The following CAPZB variants were observed in gnomAD, a reference collection of about 807,000 sequenced individuals.
The protein encoded by CAPZB is F-actin-capping protein subunit beta.
A neutral mutation model predicts 38.1 loss-of-function variants in CAPZB; 2 were observed. The ratio of observed to expected loss-of-function variants is 0.05; its 90% CI spans 0.02 to 0.17. The LOEUF is 0.17. Among genes scored for constraint, CAPZB ranks in the 10% least tolerant of loss-of-function variants. The pLI is 1.00. For synonymous variants in CAPZB, 107 were observed against 127.4 expected, an observed-to-expected ratio of 0.84 and a Z score of 1.08; for missense variants, 161 against 334.2, an observed-to-expected ratio of 0.48 and a Z score of 4.04.
At chr1:19,419,268 G>A (rs886540123) in intron 2 of CAPZB, among the ~76,000 whole-genome samples, 1 of 152,188 alleles carries the variant, frequency 6.6e-6, no homozygotes, top group Non-Finnish European at 1.5e-5. Flanking sequence ...CGCTTGTACT[G>A]TGTTGGCTGG....
At chr1:19,457,817 T>C (rs2094537646) in intron 1 of CAPZB, among the ~76,000 whole-genome samples, 1 of 151,730 alleles carries the variant, frequency 6.6e-6, no homozygotes, top group South Asian at 2.1e-4. Context: ...CAGAAACCAC[T>C]TCAGAAGGAC....
At chr1:19,350,611 A>ACAAGTT (rs111363572) in intron 6 of CAPZB, among the ~76,000 whole-genome samples, 1 of 151,516 alleles carries the variant, frequency 6.6e-6, no homozygotes, top group Non-Finnish European at 1.5e-5. Context: ...TAGTAGCAGT[A>ACAAGTT]ATTGTTTTTA....
At chr1:19,409,343 C>T (rs2094347326) in intron 2 of CAPZB, among the ~76,000 whole-genome samples, 1 of 151,916 alleles carries the variant, frequency 6.6e-6, no homozygotes. Context: ...GGTCACAGTC[C>T]AACAAGAAAC....
At chr1:19,436,900 G>C (rs955127700) in intron 1 of CAPZB, among the ~76,000 whole-genome samples, 3 of 152,218 alleles carry the variant, frequency 2.0e-5, no homozygotes, top group Non-Finnish European at 4.4e-5. Flanking sequence ...AACAGTGCTG[G>C]ACTCTGTGTA....
chr1:19,479,061 T>A (rs2094618017), intron 1 of CAPZB, among the ~76,000 whole-genome samples: 1 of 151,950 alleles, frequency 6.6e-6, no homozygotes, highest in Admixed American at 6.6e-5. Flanking sequence ...ATACAAAAAA[T>A]TAGCTAGGCA....
At chr1:19,366,307 T>TATATATATATATATATATATAA (rs1243032633) in intron 4 of CAPZB, among the ~76,000 whole-genome samples, 4 of 74,168 alleles carry the variant, frequency 5.4e-5, no homozygotes, top group East Asian at 3.8e-4. Context: ...TATATATATA[T>TATATATATATATATATATATAA]ATAAATAAAA....
At chr1:19,396,091 G>C (rs796890060) in intron 2 of CAPZB, among the ~76,000 whole-genome samples, 3 of 152,234 alleles carry the variant, frequency 2.0e-5, no homozygotes, top group African/African-American at 7.2e-5. Flanking sequence ...AAGCCGCGAC[G>C]GCAGAGGCCG....
chr1:19,485,426 C>G lies in CAPZB; in HGVS notation c.3+10G>C. On this transcript the variant is annotated intron_variant, in intron 1 of 8. Coordinates refer to ENST00000264202, the MANE Select transcript of CAPZB (RefSeq NM_004930.5). ...CCCCCGGGCCGGGGAGGGGGCCGTG[C>G]GGCCTTTACCATGGTGGCGGCGGCG... is the stretch of plus-strand genomic sequence containing the variant. 8.1e-7 allele frequency: 1 copy of G among 1,229,430 alleles called. No individual in the cohort carries two copies. 76.2% of individuals were successfully genotyped at this position (1,229,430 alleles called of 1,614,324 possible).
chr1:19,474,054 G>C (rs1002430266), intron 1 of CAPZB, among the ~76,000 whole-genome samples: 7 of 151,832 alleles, frequency 4.6e-5, no homozygotes, highest in African/African-American at 1.7e-4. Context: ...GGAAGGCAGT[G>C]ATGTGATCTC....
intron 1 of CAPZB, 58 bp downstream of exon 1, chr1:19,485,378 G>C: frequency 1.7e-6 from 2 of 1,150,868 alleles, no homozygotes; most frequent in Non-Finnish European, 2.2e-6. Context: ...GGCAGGGGGA[G>C]GGGGACGCGA....
chr1:19,366,416 C>T (rs1287677669), intron 4 of CAPZB, among the ~76,000 whole-genome samples: 2 of 150,968 alleles, frequency 1.3e-5, no homozygotes, highest in East Asian at 2.0e-4. Context: ...TGGCCGGGTG[C>T]GGTGGCTCAT....
intron 2 of CAPZB, among the ~76,000 whole-genome samples, chr1:19,389,094 G>A (rs180765643): frequency 3.9e-5 from 6 of 152,184 alleles, no homozygotes; most frequent in Non-Finnish European, 5.9e-5. Flanking sequence ...TAACATTTTC[G>A]TTGTCATGGG....
chr1:19,368,053 T>C (rs2094099735), intron 4 of CAPZB, among the ~76,000 whole-genome samples: 1 of 152,154 alleles, frequency 6.6e-6, no homozygotes, highest in African/African-American at 2.4e-5. Flanking sequence ...AAAGCTGCCA[T>C]TGTTGAGAAC....
chr1:19,426,591 G>A (rs929987746), intron 1 of CAPZB, among the ~76,000 whole-genome samples: 2 of 152,152 alleles, frequency 1.3e-5, no homozygotes, highest in African/African-American at 2.4e-5. Flanking sequence ...CACAGGCCTG[G>A]AGCCCACTCA....
chr1:19,450,144 CAAAAAAAA>C (rs71008167), intron 1 of CAPZB, among the ~76,000 whole-genome samples: 8 of 35,450 alleles, frequency 2.3e-4, no homozygotes, highest in Non-Finnish European at 3.8e-4. Flanking sequence ...ACCCTGTCTC[CAAAAAAAA>C]AAAAAAAAAA....
chr1:19,436,185 G>C (rs2094457655), intron 1 of CAPZB, among the ~76,000 whole-genome samples: 1 of 152,222 alleles, frequency 6.6e-6, no homozygotes, highest in African/African-American at 2.4e-5. Flanking sequence ...CAATTTGGAA[G>C]TTTTAAATTT....
intron 2 of CAPZB, among the ~76,000 whole-genome samples, chr1:19,393,243 C>T (rs779449550): frequency 2.0e-5 from 3 of 152,244 alleles, no homozygotes; most frequent in Non-Finnish European, 4.4e-5. Flanking sequence ...GCGGCAGCTT[C>T]GCGCCGGGCC....
At chr1:19,340,132 A>G (rs2093920039) in intron 8 of CAPZB, among the ~76,000 whole-genome samples, 1 of 152,222 alleles carries the variant, frequency 6.6e-6, no homozygotes, top group Admixed American at 6.5e-5. Flanking sequence ...GCCCAGCAGA[A>G]GAGCCTCATT....
intron 7 of CAPZB, 108 bp downstream of exon 7, chr1:19,345,079 T>G: frequency 1.2e-6 from 1 of 849,182 alleles, no homozygotes; most frequent in Non-Finnish European, 2.0e-6. Context: ...CCGGCTGCGG[T>G]GGAGCTGAGA....
Sources: gnomAD v4.1 joint callset for allele counts (sites outside exome capture counted in the v4.1 genomes callset) on GRCh38, gnomAD v4.1.1 for gene constraint, MANE v1.5 for transcripts, NCBI Gene and HGNC (gene_info 2026-07-23, HGNC 2026-07-21) for gene names.